DLG2: variants seen among roughly 807,000 people sequenced by gnomAD.
The protein encoded by DLG2 is discs large MAGUK scaffold protein 2, also known as disks large homolog 2.
A neutral mutation model predicts 132.5 loss-of-function variants in DLG2; 45 were observed. That is an observed-to-expected ratio of 0.34 (90% CI 0.27 to 0.44). DLG2 has a LOEUF of 0.44. DLG2 is among the 20% of genes least tolerant of loss of function. The pLI is 1.00. For synonymous variants in DLG2, 424 were observed against 419.6 expected (o/e 1.01, Z -0.13); for missense variants, 1,045 against 1,196.9 (o/e 0.87, Z 1.87).
In DLG2 at chr11:85,623,986, T is replaced by C. The variant is rs1286800298; in HGVS notation, c.-93+2601A>G. 2.0e-5 allele frequency among the ~76,000 whole-genome samples: 3 copies of C among 152,186 alleles called. No homozygotes were observed. In the East Asian group the frequency reaches 5.8e-4, roughly 29 times the overall value. ...TCACAAATTAAAATATGTCCAAGAT[T>C]GTCCCAAGGGCTCACCTGGGAGCAA... On this transcript the variant is annotated intron_variant, in intron 2 of 27. Transcript: ENST00000376104.
At chr11:84,192,002 A>T (rs1227733553) in intron 8 of DLG2, among the ~76,000 whole-genome samples, 2 of 152,154 alleles carry the variant, frequency 1.3e-5, no homozygotes, top group African/African-American at 2.4e-5. Context: ...AAAGTGGGTC[A>T]TTCTAATAGC....
rs549682779 is a variant in DLG2, at chr11:84,747,717, A to C, written c.358-212986T>G. On this transcript the variant is annotated intron_variant, in intron 6 of 27. Transcript: ENST00000376104. ...CCAAGGTATCAGTTTAGTTCAAATAATTAAAATCTAAAAATATTTTATGGT... is the reference window on the plus strand; with the variant it reads ...CCAAGGTATCAGTTTAGTTCAAATACTTAAAATCTAAAAATATTTTATGGT... Among the ~76,000 whole-genome samples the C allele has an allele frequency of 6.6e-5, 10 of 152,326 alleles. No individual in the cohort carries two copies. The South Asian group carries it at 2.1e-3, about 32-fold the overall frequency.
rs1191875236 is a variant in DLG2 at position 83,769,048 on chromosome 11, C to G, written c.1825+17642G>C. ...GGCATAATGTACATAAATATTTAGA[C>G]ATACTGGGCACTCCATAATGATAAC... On this transcript the variant is annotated intron_variant, in intron 18 of 27. Transcript: ENST00000376104. Among the ~76,000 whole-genome samples, 3 of 152,316 alleles carry G rather than the reference C, an allele frequency of 2.0e-5. No homozygotes were observed. The East Asian group carries it at 5.8e-4, about 29-fold the overall frequency.
At chr11:85,453,290 A>C (rs1425164742) in intron 3 of DLG2, 1 of 288,404 alleles carries the variant, frequency 3.5e-6, no homozygotes, top group African/African-American at 2.2e-5. Flanking sequence ...ATTAATATGA[A>C]TCTCTTTGAG....
At position 85,108,236 on chromosome 11, in the gene DLG2, T is replaced by G. The variant is rs117501280; in HGVS notation, c.357+3425A>C. On this transcript the variant is annotated intron_variant, in intron 6 of 27. Coordinates refer to ENST00000376104, the MANE Select transcript of DLG2 (RefSeq NM_001142699.3). ...AGCCTAATTATGAGGATACAATCATTCCAGAGTAGAACAACAAAGAGCAAG... is the reference window on the plus strand; with the variant it reads ...AGCCTAATTATGAGGATACAATCATGCCAGAGTAGAACAACAAAGAGCAAG... Among the ~76,000 whole-genome samples the G allele has an allele frequency of 3.0e-4, 45 of 151,950 alleles. 1 individual carries two copies. The highest frequency in any genetic ancestry group is 5.1e-4 in the Non-Finnish European group (35 of 67,968).
At chr11:84,843,662 A>G (rs1255423383) in intron 6 of DLG2, among the ~76,000 whole-genome samples, 2 of 151,902 alleles carry the variant, frequency 1.3e-5, no homozygotes, top group African/African-American at 2.4e-5. Context: ...TATACTTTAA[A>G]TCATCTCTAG....
At chr11:85,114,944 G>A (rs1361017094) in intron 5 of DLG2, among the ~76,000 whole-genome samples, 1 of 151,906 alleles carries the variant, frequency 6.6e-6, no homozygotes, top group African/African-American at 2.4e-5. Context: ...GTGTGGCAGA[G>A]TGAGAGATGA....
intron 7 of DLG2, among the ~76,000 whole-genome samples, chr11:84,300,568 T>C (rs2154381324): frequency 6.6e-6 from 1 of 150,976 alleles, no homozygotes; most frequent in African/African-American, 2.4e-5. Context: ...CCTTCCTACT[T>C]TCCTTCCTTC....
At chr11:84,202,764 T>TAC (rs376554531) in intron 8 of DLG2, among the ~76,000 whole-genome samples, 157 of 149,756 alleles carry the variant, frequency 1.0e-3, no homozygotes, top group East Asian at 6.7e-3. Flanking sequence ...ACTCAAACAT[T>TAC]ACACACACAC....
At chr11:83,718,290 T>A (rs1373671107) in intron 18 of DLG2, among the ~76,000 whole-genome samples, 9 of 151,960 alleles carry the variant, frequency 5.9e-5, no homozygotes, top group Non-Finnish European at 1.2e-4. Flanking sequence ...TAATCCCAAC[T>A]CTTTTGGAGG....
At chr11:83,978,139 G>A (rs1358578895) in intron 12 of DLG2, among the ~76,000 whole-genome samples, 1 of 150,208 alleles carries the variant, frequency 6.7e-6, no homozygotes, top group Non-Finnish European at 1.5e-5. Context: ...TGTAGTGCCT[G>A]GAAAATCCTT....
At chr11:83,594,092 C>G (rs1476638408) in intron 19 of DLG2, among the ~76,000 whole-genome samples, 2 of 152,204 alleles carry the variant, frequency 1.3e-5, no homozygotes, top group African/African-American at 4.8e-5. Context: ...TTATGGCTTG[C>G]CAAATACTGA....
At chr11:84,769,853 T>A (rs1219778534) in intron 6 of DLG2, among the ~76,000 whole-genome samples, 1 of 152,178 alleles carries the variant, frequency 6.6e-6, no homozygotes, top group Non-Finnish European at 1.5e-5. Flanking sequence ...CAACCAAGAA[T>A]TTAATATCCT....
At chr11:85,060,304 T>G (rs1306924663) in intron 6 of DLG2, among the ~76,000 whole-genome samples, 1 of 150,912 alleles carries the variant, frequency 6.6e-6, no homozygotes, top group Non-Finnish European at 1.5e-5. Flanking sequence ...GCTAAGTATA[T>G]GTATATAATA....
rs59825403 is a variant in DLG2 at position 84,910,762 on chromosome 11, A to AAACAAC, written c.357+200893_357+200898dup. ...ATTCCCTTCCACAAAAAGGAAGAAA[A>AAACAAC]AACAACAACAACAACAACAACAACA... On this transcript the variant is annotated intron_variant, in intron 6 of 27. Transcript: ENST00000376104. Among the ~76,000 whole-genome samples, 323 of 141,406 alleles carry AAACAAC rather than the reference A, an allele frequency of 2.3e-3. 5 individuals are homozygous for AAACAAC. The highest frequency in any genetic ancestry group is 6.8e-3 in the African/African-American group (275 of 40,318). The allele number at this position is 141,406 out of a possible 152,430, so 92.8% of individuals were successfully genotyped here.
chr11:84,554,134 T>C (rs966137368), intron 6 of DLG2, among the ~76,000 whole-genome samples: 1 of 152,232 alleles, frequency 6.6e-6, no homozygotes, highest in African/African-American at 2.4e-5. Flanking sequence ...AGTTCATGGC[T>C]TCATTTGTAG....
At chr11:85,249,917 C>T (rs984091701) in intron 4 of DLG2, among the ~76,000 whole-genome samples, 4 of 151,922 alleles carry the variant, frequency 2.6e-5, no homozygotes, top group Non-Finnish European at 4.4e-5. Context: ...GAATTTATGT[C>T]GACATTTGTT....
At chr11:84,857,563 T>C (rs2082957726) in intron 6 of DLG2, among the ~76,000 whole-genome samples, 1 of 152,138 alleles carries the variant, frequency 6.6e-6, no homozygotes, top group Non-Finnish European at 1.5e-5. Flanking sequence ...CTGTGAAACA[T>C]AAGCAAATGT....
intron 6 of DLG2, among the ~76,000 whole-genome samples, chr11:84,970,216 A>C (rs1339826802): frequency 6.6e-6 from 1 of 152,098 alleles, no homozygotes; most frequent in Non-Finnish European, 1.5e-5. Flanking sequence ...CCCTCTGACC[A>C]ATACTAAGCC....
Sources: gnomAD v4.1 joint callset for allele counts (sites outside exome capture counted in the v4.1 genomes callset) on GRCh38, gnomAD v4.1.1 for gene constraint, MANE v1.5 for transcripts, NCBI Gene and HGNC (gene_info 2026-07-23, HGNC 2026-07-21) for gene names.